The following ZBTB20 variants were observed in gnomAD, a reference collection of about 807,000 sequenced individuals.
ZBTB20 encodes the protein zinc finger and BTB domain containing 20, also known as zinc finger and BTB domain-containing protein 20.
A neutral mutation model predicts 56.9 loss-of-function variants in ZBTB20; 9 were observed. The observed-to-expected ratio is 0.16, with a 90% CI of 0.10 to 0.28. The LOEUF is 0.28. ZBTB20 is among the 10% of genes least tolerant of loss of function. The pLI, the probability that ZBTB20 is intolerant of heterozygous loss-of-function variation, is 1.00. For synonymous variants in ZBTB20, 417 were observed against 420.7 expected (o/e 0.99, Z 0.11); for missense variants, 655 against 1,003.0 (o/e 0.65, Z 4.69).
chr3:115,136,919 G>A (rs1235803885), intron 1 of ZBTB20, among the ~76,000 whole-genome samples: 3 of 151,978 alleles, frequency 2.0e-5, no homozygotes, highest in African/African-American at 7.2e-5. Flanking sequence ...AGGACAGTGA[G>A]ATACAAACAA....
intron 7 of ZBTB20, among the ~76,000 whole-genome samples, chr3:114,434,541 G>GGGGTGTGTGTGTGTTTGTGT (rs1553711977): frequency 1.2e-5 from 1 of 85,736 alleles, no homozygotes; most frequent in East Asian, 4.2e-4. Context: ...CTGCAATTGG[G>GGGGTGTGTGTGTGTTTGTGT]GTGTGTGTGT....
chr3:114,602,903 T>C (rs1422567017), intron 6 of ZBTB20, among the ~76,000 whole-genome samples: 1 of 151,988 alleles, frequency 6.6e-6, no homozygotes, highest in Non-Finnish European at 1.5e-5. Context: ...ACAATCTCAT[T>C]CTCTCTATTT....
chr3:114,663,436 G>T (rs1318776524), intron 6 of ZBTB20, among the ~76,000 whole-genome samples: 3 of 147,066 alleles, frequency 2.0e-5, no homozygotes, highest in Non-Finnish European at 4.6e-5. Context: ...GCAAAATCAT[G>T]CCAAAATGTA....
intron 1 of ZBTB20, among the ~76,000 whole-genome samples, chr3:115,123,412 A>T (rs560694157): frequency 2.0e-5 from 3 of 152,330 alleles, no homozygotes; most frequent in African/African-American, 7.2e-5. Context: ...TAGAAATCAA[A>T]ATAGACACAG....
intron 6 of ZBTB20, among the ~76,000 whole-genome samples, chr3:114,530,219 T>C (rs1217510311): frequency 6.6e-6 from 1 of 152,230 alleles, no homozygotes; most frequent in Non-Finnish European, 1.5e-5. Context: ...TAACTTCTAG[T>C]TCTGCAAGAT....
chr3:115,050,304 A>G (rs188563413), intron 2 of ZBTB20, among the ~76,000 whole-genome samples: 1 of 152,112 alleles, frequency 6.6e-6, no homozygotes, highest in Admixed American at 6.5e-5. Context: ...GACTTTAGTT[A>G]TAATTATGTA....
At chr3:114,629,210 T>C (rs1182992123) in intron 6 of ZBTB20, among the ~76,000 whole-genome samples, 2 of 152,190 alleles carry the variant, frequency 1.3e-5, no homozygotes, top group Non-Finnish European at 2.9e-5. Context: ...TTGCCAAGTC[T>C]TTCTTTTCCC....
chr3:114,689,038 AT>A (rs2062533817), intron 6 of ZBTB20, among the ~76,000 whole-genome samples: 1 of 152,166 alleles, frequency 6.6e-6, no homozygotes, highest in Admixed American at 6.6e-5. Flanking sequence ...GAGGAGAAAA[AT>A]AAGTGAAGAT....
Position 114,330,921 on chromosome 3 carries a change from C to T in ZBTB20, c.*8084G>A, listed in dbSNP as rs1174476973. 1.3e-5 allele frequency: 2 copies of T among 152,162 alleles called. No individual in the cohort carries two copies. Among genetic ancestry groups the T allele is most frequent in the Non-Finnish European group, 2.9e-5 (2 of 68,044 alleles). The allele number at this position is 152,162 out of a possible 1,614,324, so 9.4% of individuals were successfully genotyped here. On this transcript the variant is annotated 3_prime_UTR_variant, in exon 12 of 12. Transcript: ENST00000675478. ...TTGAGATGGGCAAGAGCAATCAATT[C>T]CTACAGATTACCAAAAAACATTCCC...
intron 3 of ZBTB20, among the ~76,000 whole-genome samples, chr3:114,918,140 C>T (rs1227894445): frequency 1.3e-5 from 2 of 152,142 alleles, no homozygotes; most frequent in Admixed American, 6.5e-5. Context: ...TTGGACACCA[C>T]TGCCACAGGC....
At chr3:114,414,929 C>A (rs1031918196) in intron 7 of ZBTB20, among the ~76,000 whole-genome samples, 1 of 151,634 alleles carries the variant, frequency 6.6e-6, no homozygotes, top group Non-Finnish European at 1.5e-5. Flanking sequence ...TATATTTTTG[C>A]TCCCCTTTCT....
At chr3:114,799,402 G>A (rs2071559499) in intron 5 of ZBTB20, among the ~76,000 whole-genome samples, 1 of 151,914 alleles carries the variant, frequency 6.6e-6, no homozygotes, top group South Asian at 2.1e-4. Context: ...AAGGGGCTGG[G>A]AGATGGATAC....
chr3:114,378,599 A>G (rs1295274561), intron 10 of ZBTB20, among the ~76,000 whole-genome samples: 2 of 152,256 alleles, frequency 1.3e-5, no homozygotes, highest in African/African-American at 4.8e-5. Context: ...GCTGTAACAG[A>G]AGATTTCTAG....
At chr3:115,035,541 TCAAA>T (rs2080877711) in intron 2 of ZBTB20, among the ~76,000 whole-genome samples, 1 of 137,722 alleles carries the variant, frequency 7.3e-6, no homozygotes, top group Non-Finnish European at 1.5e-5. Flanking sequence ...ATTGCTACTA[TCAAA>T]CACACACACA....
In ZBTB20 at chr3:114,799,149, G is replaced by T. The variant is rs548651264; in HGVS notation, c.-343+1952C>A. ...CTGGCCTCTTGACCCAATACTTATTGTACCACTTGTCCCATTTCCCTGAAA... is the reference window on the plus strand; with the variant it reads ...CTGGCCTCTTGACCCAATACTTATTTTACCACTTGTCCCATTTCCCTGAAA... On this transcript the variant is annotated intron_variant, in intron 5 of 11. Transcript: ENST00000675478. Among the ~76,000 whole-genome samples, 6 of 151,946 alleles carry T rather than the reference G, an allele frequency of 3.9e-5. No individual in the cohort carries two copies. In the East Asian group the frequency reaches 1.2e-3, roughly 29 times the overall value.
intron 5 of ZBTB20, among the ~76,000 whole-genome samples, chr3:114,783,188 T>C (rs139133353): frequency 1.3e-3 from 204 of 152,328 alleles, no homozygotes; most frequent in Middle Eastern, 3.4e-3. Context: ...TTAGGTAAAG[T>C]ACTACATGTT....
intron 8 of ZBTB20, chr3:114,387,603 C>T (rs2085302920): frequency 6.6e-6 from 1 of 152,174 alleles, no homozygotes. Flanking sequence ...GAACTCTTTT[C>T]CCTCTTAAAG....
At chr3:114,777,584 G>A (rs1335570866) in intron 5 of ZBTB20, among the ~76,000 whole-genome samples, 1 of 152,134 alleles carries the variant, frequency 6.6e-6, no homozygotes, top group East Asian at 1.9e-4. Context: ...TCATTAAAAA[G>A]TCAGGAAACA....
At chr3:114,648,654 G>C (rs2107978735) in intron 6 of ZBTB20, among the ~76,000 whole-genome samples, 1 of 152,154 alleles carries the variant, frequency 6.6e-6, no homozygotes, top group African/African-American at 2.4e-5. Context: ...GAGTATAACA[G>C]AGGAGTGAAA....
Sources: gnomAD v4.1 joint callset for allele counts (sites outside exome capture counted in the v4.1 genomes callset) on GRCh38, gnomAD v4.1.1 for gene constraint, MANE v1.5 for transcripts, NCBI Gene and HGNC (gene_info 2026-07-23, HGNC 2026-07-21) for gene names.